SLC35F1: variants seen among roughly 807,000 people sequenced by gnomAD.
The protein encoded by SLC35F1 is chromosome 6 open reading frame 169.
Under a neutral mutation model 48.7 loss-of-function variants are expected in SLC35F1, and 14 were observed. The ratio of observed to expected loss-of-function variants is 0.29; its 90% confidence interval spans 0.19 to 0.45. The LOEUF is 0.45. SLC35F1 is among the 20% of genes least tolerant of loss of function. The pLI, the probability that SLC35F1 is intolerant of heterozygous loss-of-function variation, is 1.00. For missense variants in SLC35F1, 404 were observed against 500.0 expected (o/e 0.81, Z 1.83); for synonymous variants, 190 against 202.2 (o/e 0.94, Z 0.51).
chr6:118,309,202 T>TGTGC (rs1554246873), intron 7 of SLC35F1, among the ~76,000 whole-genome samples: 135 of 149,582 alleles, frequency 9.0e-4, no homozygotes, highest in African/African-American at 3.1e-3. Flanking sequence ...TGTGTGTGTG[T>TGTGC]GCGTGTGTGT....
rs1211696591 is a variant in SLC35F1 at position 118,285,248 on chromosome 6, A to G, written c.912A>G (p.Ile304Met). The change falls in exon 7 of 8, where the codon ATA becomes ATG. Residue 304 changes from isoleucine (I) to methionine (M), a missense_variant. Transcript: ENST00000360388. ...FGLYSFMPVV[I>M]KKTSATSVNL... is the part of the protein sequence containing the mutation. ...TCTACAGCTTTATGCCAGTCGTCAT[A>G]AAGAAAACCAGTGCCACTTCAGTCA... The G allele has an allele frequency of 1.2e-5, 19 of 1,613,906 alleles. No homozygotes were observed. The highest frequency in any genetic ancestry group is 4.4e-5 in the South Asian group (4 of 91,084).
At chr6:118,150,757 T>A (rs77760971) in intron 1 of SLC35F1, among the ~76,000 whole-genome samples, 21 of 152,302 alleles carry the variant, frequency 1.4e-4, no homozygotes, top group African/African-American at 4.8e-4. Context: ...CTAAATTAAT[T>A]TTTAAATCAT....
At chr6:118,058,341 T>C (rs1250824497) in intron 1 of SLC35F1, among the ~76,000 whole-genome samples, 1 of 152,152 alleles carries the variant, frequency 6.6e-6, no homozygotes, top group Non-Finnish European at 1.5e-5. Context: ...TTGTTTTCAA[T>C]AGAGAGCACC....
chr6:118,136,650 A>G (rs555530915), intron 1 of SLC35F1, among the ~76,000 whole-genome samples: 1 of 152,302 alleles, frequency 6.6e-6, no homozygotes, highest in African/African-American at 2.4e-5. Flanking sequence ...ATTTCTAGGC[A>G]TATACTTTTA....
At chr6:118,303,793 A>T (rs1776281483) in intron 7 of SLC35F1, among the ~76,000 whole-genome samples, 1 of 152,198 alleles carries the variant, frequency 6.6e-6, no homozygotes, top group African/African-American at 2.4e-5. Flanking sequence ...GCTTAAAAGG[A>T]CACCAATCCT....
chr6:118,198,164 A>T (rs1774827169), intron 2 of SLC35F1, among the ~76,000 whole-genome samples: 1 of 152,214 alleles, frequency 6.6e-6, no homozygotes, highest in African/African-American at 2.4e-5. Flanking sequence ...GACTTCAATC[A>T]TGCAATCTGT....
intron 1 of SLC35F1, among the ~76,000 whole-genome samples, chr6:117,954,587 A>G (rs1776403893): frequency 1.3e-5 from 2 of 152,212 alleles, no homozygotes; most frequent in African/African-American, 2.4e-5. Context: ...AGTCACTGAG[A>G]TAATGCTACT....
intron 1 of SLC35F1, among the ~76,000 whole-genome samples, chr6:117,924,606 G>A (rs1419258589): frequency 6.8e-6 from 1 of 147,790 alleles, no homozygotes; most frequent in East Asian, 2.0e-4. Context: ...TTAAATTCCT[G>A]CTCCAGAAAA....
chr6:117,984,029 C>T (rs1043624952), intron 1 of SLC35F1, among the ~76,000 whole-genome samples: 2 of 152,108 alleles, frequency 1.3e-5, no homozygotes, highest in African/African-American at 4.8e-5. Context: ...ACCTGCCCTC[C>T]AACAACAGTT....
At chr6:118,204,625 G>C (rs1158021028) in intron 2 of SLC35F1, among the ~76,000 whole-genome samples, 1 of 152,130 alleles carries the variant, frequency 6.6e-6, no homozygotes, top group Non-Finnish European at 1.5e-5. Context: ...TGACTCTGTT[G>C]AGTAGGCAGA....
rs1350280188 is a variant in SLC35F1 at position 118,107,393 on chromosome 6, T to G, written c.174-47052T>G. On this transcript the variant is annotated intron_variant, in intron 1 of 7. Coordinates refer to ENST00000360388, the MANE Select transcript of SLC35F1 (RefSeq NM_001029858.4). ...CCCATTGTCCTTTGGACTGGATATT[T>G]ACTCAATATCACCCTGAGTGACTAC... Among the ~76,000 whole-genome samples, 3 of 152,324 alleles carry G rather than the reference T, an allele frequency of 2.0e-5. No homozygotes were observed. In the East Asian group the frequency reaches 5.8e-4, roughly 29 times the overall value.
intron 1 of SLC35F1, among the ~76,000 whole-genome samples, chr6:118,050,963 C>T (rs1772381169): frequency 6.6e-6 from 1 of 152,100 alleles, no homozygotes; most frequent in Non-Finnish European, 1.5e-5. Flanking sequence ...ACTGCATGTT[C>T]TCCAGCATGT....
At chr6:118,190,046 G>C (rs1187992648) in intron 2 of SLC35F1, among the ~76,000 whole-genome samples, 1 of 151,682 alleles carries the variant, frequency 6.6e-6, no homozygotes, top group Non-Finnish European at 1.5e-5. Context: ...CTCAGATATA[G>C]AAGTATGGAG....
chr6:118,277,412 T>C, intron 5 of SLC35F1, 82 bp from the exon 6 acceptor site: 1 of 1,247,566 alleles, frequency 8.0e-7, no homozygotes, highest in Non-Finnish European at 1.2e-6. Context: ...ATACATCTGA[T>C]AAGTGGGGGG....
At chr6:117,936,042 T>C (rs1051754772) in intron 1 of SLC35F1, among the ~76,000 whole-genome samples, 1 of 152,182 alleles carries the variant, frequency 6.6e-6, no homozygotes, top group Admixed American at 6.5e-5. Context: ...TGCCCTCTCT[T>C]ATGGGGCTGG....
At chr6:118,086,236 T>C (rs192800616) in intron 1 of SLC35F1, among the ~76,000 whole-genome samples, 258 of 152,344 alleles carry the variant, frequency 1.7e-3, no homozygotes, top group African/African-American at 6.0e-3. Context: ...TGTCGAACTG[T>C]CCATTTTATA....
chr6:118,128,945 T>C (rs1018579021), intron 1 of SLC35F1, among the ~76,000 whole-genome samples: 10 of 152,314 alleles, frequency 6.6e-5, no homozygotes, highest in Admixed American at 2.6e-4. Flanking sequence ...TGAAAATACA[T>C]GACTAAGCAA....
intron 1 of SLC35F1, among the ~76,000 whole-genome samples, chr6:117,921,607 CTTT>C (rs1458292863): frequency 6.6e-6 from 1 of 152,186 alleles, no homozygotes; most frequent in African/African-American, 2.4e-5. Flanking sequence ...AAGCGGGGTG[CTTT>C]CAAGCCTAAA....
chr6:118,225,031 AC>A (rs1322837929), intron 2 of SLC35F1, among the ~76,000 whole-genome samples: 1 of 152,238 alleles, frequency 6.6e-6, no homozygotes, highest in Admixed American at 6.5e-5. Context: ...AAGAGGACAC[AC>A]AAAAAATGAA....
Sources: allele counts gnomAD v4.1 joint callset (sites outside exome capture counted in the v4.1 genomes callset), GRCh38; gene constraint gnomAD v4.1.1; transcripts MANE v1.5; gene names NCBI Gene and HGNC (gene_info 2026-07-23, HGNC 2026-07-21).